Variants in CDH18 observed in about 807,000 individuals in gnomAD.
CDH18 encodes the protein cadherin 18, also known as cadherin-18.
CDH18 carries 31 observed loss-of-function variants against 67.9 expected under a neutral mutation model. That is an observed-to-expected ratio of 0.46 (90% CI 0.34 to 0.62). The LOEUF (loss-of-function observed/expected upper bound fraction) is 0.62. Among genes scored for constraint, CDH18 ranks in the 20% least tolerant of loss-of-function variants. The probability of loss-of-function intolerance (pLI) is 0.01; values close to 1 mark genes in which losing one functional copy is unlikely to be tolerated. For missense variants in CDH18, 890 were observed against 975.5 expected (o/e 0.91, Z 1.17); for synonymous variants, 362 against 347.2 (o/e 1.04, Z -0.48).
intron 5 of CDH18, among the ~76,000 whole-genome samples, chr5:19,649,396 A>G (rs1279933772): frequency 1.3e-5 from 2 of 152,054 alleles, no homozygotes; most frequent in African/African-American, 4.8e-5. Flanking sequence ...TGAGATCTCA[A>G]TATTTGGCTT....
chr5:20,356,743 CTCTCTCTCTCTA>C (rs1486179346), intron 1 of CDH18, among the ~76,000 whole-genome samples: 74 of 142,746 alleles, frequency 5.2e-4, no homozygotes, highest in African/African-American at 2.0e-3. Context: ...CTCTCTCTCT[CTCTCTCTCTCTA>C]TATATATATA....
At chr5:19,636,409 A>C (rs2150202659) in intron 5 of CDH18, among the ~76,000 whole-genome samples, 1 of 152,160 alleles carries the variant, frequency 6.6e-6, no homozygotes, top group South Asian at 2.1e-4. Flanking sequence ...AATACATGAC[A>C]TAGTTTTATT....
chr5:20,219,217 T>C (rs1249446909), intron 2 of CDH18, among the ~76,000 whole-genome samples: 1 of 151,746 alleles, frequency 6.6e-6, no homozygotes, highest in Non-Finnish European at 1.5e-5. Flanking sequence ...TACCAATGAA[T>C]TGGAAAACTT....
chr5:20,246,612 A>C (rs1195933425), intron 2 of CDH18, among the ~76,000 whole-genome samples: 1 of 151,650 alleles, frequency 6.6e-6, no homozygotes, highest in Non-Finnish European at 1.5e-5. Flanking sequence ...TTAATAATTA[A>C]GAAGAAACCA....
chr5:19,760,176 T>C (rs1350688123), intron 3 of CDH18, among the ~76,000 whole-genome samples: 1 of 152,148 alleles, frequency 6.6e-6, no homozygotes, highest in Non-Finnish European at 1.5e-5. Context: ...GATCAAATTA[T>C]TCCCATTGTA....
chr5:19,601,240 G>A (rs1451266933), intron 6 of CDH18, among the ~76,000 whole-genome samples: 12 of 152,020 alleles, frequency 7.9e-5, no homozygotes, highest in Non-Finnish European at 1.6e-4. Flanking sequence ...AAGAGAAAGA[G>A]GACTCTCAAA....
At chr5:19,862,856 C>A (rs1295348506) in intron 2 of CDH18, among the ~76,000 whole-genome samples, 2 of 151,448 alleles carry the variant, frequency 1.3e-5, no homozygotes, top group African/African-American at 4.8e-5. Flanking sequence ...CGAGGAGACA[C>A]CTGACCCTGA....
rs1269657693 is a variant in CDH18, at chr5:20,242,619, T to TAC, written c.-518+12824_-518+12825insGT. 9.7e-4 allele frequency among the ~76,000 whole-genome samples: 118 copies of TAC among 122,086 alleles called. 9 individuals are homozygous for TAC. Among genetic ancestry groups the TAC allele is most frequent in the African/African-American group, 2.9e-3 (84 of 28,772 alleles). 80.1% of individuals were successfully genotyped at this position (122,086 alleles called of 152,430 possible). On this transcript the variant is annotated intron_variant, in intron 2 of 14. Transcript: ENST00000507958. ...GGGAAAAAAAAAAAAAAAATATATA[T>TAC]ATATATATATATATGTATATATATA...
At chr5:20,447,073 T>G (rs937196716) in intron 1 of CDH18, among the ~76,000 whole-genome samples, 1 of 152,188 alleles carries the variant, frequency 6.6e-6, no homozygotes, top group African/African-American at 2.4e-5. Context: ...AACATTTAAC[T>G]TTGTTACTCT....
chr5:19,646,468 T>G (rs1446775985), intron 5 of CDH18, among the ~76,000 whole-genome samples: 2 of 152,042 alleles, frequency 1.3e-5, no homozygotes, highest in Non-Finnish European at 2.9e-5. Context: ...GCCTCCTGAG[T>G]AGCTGGGACT....
chr5:20,293,082 C>T (rs779165305), intron 1 of CDH18, among the ~76,000 whole-genome samples: 6 of 151,910 alleles, frequency 3.9e-5, no homozygotes, highest in Non-Finnish European at 8.8e-5. Context: ...TTTGGGAGGC[C>T]GAGGAGGGCT....
intron 10 of CDH18, among the ~76,000 whole-genome samples, chr5:19,509,884 C>T (rs1039914781): frequency 6.6e-6 from 1 of 151,928 alleles, no homozygotes; most frequent in African/African-American, 2.4e-5. Context: ...AGGCAACATA[C>T]TAAAAGATTT....
At chr5:20,411,536 A>G (rs1324388435) in intron 1 of CDH18, among the ~76,000 whole-genome samples, 4 of 152,100 alleles carry the variant, frequency 2.6e-5, no homozygotes, top group African/African-American at 9.6e-5. Context: ...GCTGTTGGCA[A>G]CGAATCCATG....
At chr5:20,008,388 C>T (rs1353371369) in intron 2 of CDH18, among the ~76,000 whole-genome samples, 2 of 152,102 alleles carry the variant, frequency 1.3e-5, no homozygotes, top group Non-Finnish European at 2.9e-5. Flanking sequence ...TTCCACTATT[C>T]TGTCAGCAGA....
chr5:19,536,944 G>C lies in CDH18; in HGVS notation c.1390+6925C>G, dbSNP rs151170754. Among the ~76,000 whole-genome samples the C allele has an allele frequency of 5.3e-3, 813 of 152,314 alleles. 9 individuals carry two copies. The highest frequency in any genetic ancestry group is 0.019 in the African/African-American group (790 of 41,568). ...AAATATAATGTGTAGTCAGGTTTGAGATCCAGATATTGTGAAAGATCACTC... is the reference window on the plus strand; with the variant it reads ...AAATATAATGTGTAGTCAGGTTTGACATCCAGATATTGTGAAAGATCACTC... On this transcript the variant is annotated intron_variant, in intron 9 of 12. Transcript: ENST00000382275.
At chr5:20,101,524 G>A (rs1044396239) in intron 2 of CDH18, among the ~76,000 whole-genome samples, 3 of 152,142 alleles carry the variant, frequency 2.0e-5, no homozygotes, top group Non-Finnish European at 4.4e-5. Context: ...AAGAAACGCT[G>A]CTAATTTCCA....
intron 1 of CDH18, among the ~76,000 whole-genome samples, chr5:20,489,389 T>C (rs1753442457): frequency 6.6e-6 from 1 of 152,060 alleles, no homozygotes. Context: ...CAATGATTAT[T>C]GAATATTTTG....
intron 1 of CDH18, among the ~76,000 whole-genome samples, chr5:20,278,595 G>A (rs1463104277): frequency 6.6e-6 from 1 of 152,088 alleles, no homozygotes; most frequent in Non-Finnish European, 1.5e-5. Flanking sequence ...CAAGTACATA[G>A]AGGAACATCG....
chr5:19,838,737 A>T, intron 3 of CDH18, 22 bp downstream of exon 3: 1 of 1,546,538 alleles, frequency 6.5e-7, no homozygotes, highest in Non-Finnish European at 8.9e-7. Context: ...TAGAAAAAAC[A>T]GCAAAATAAA....
Sources: gnomAD v4.1 joint callset for allele counts (sites outside exome capture counted in the v4.1 genomes callset) on GRCh38, gnomAD v4.1.1 for gene constraint, MANE v1.5 for transcripts, NCBI Gene and HGNC (gene_info 2026-07-23, HGNC 2026-07-21) for gene names.